WIZ: variants seen among roughly 807,000 people sequenced by gnomAD.
WIZ encodes protein Wiz.
In WIZ, 25 loss-of-function variants were observed where a neutral mutation model predicts 140.2. The observed-to-expected ratio is 0.18, with a 90% confidence interval of 0.13 to 0.25. The LOEUF (loss-of-function observed/expected upper bound fraction) is 0.25, where lower values mean the gene tolerates loss of function less well. WIZ is among the 10% of genes least tolerant of loss of function. The pLI, the probability that WIZ is intolerant of heterozygous loss-of-function variation, is 1.00. For missense variants in WIZ, 2,231 were observed against 2,632.6 expected (o/e 0.85, Z 3.34); for synonymous variants, 1,125 against 1,154.3 (o/e 0.97, Z 0.51).
intron 7 of WIZ, 110 bp downstream of exon 7, chr19:15,429,476 T>TCC: frequency 4.3e-5 from 46 of 1,071,022 alleles, no homozygotes; most frequent in Middle Eastern, 3.4e-4. Flanking sequence ...GGAGCTGTAG[T>TCC]CCCCACCGCC....
rs557452270 is a variant in WIZ at position 15,445,805 on chromosome 19, G to A, written c.205+2298C>T. ...CGTAACGGGGGACAGAGGAGGCAGC[G>A]GGCACACCCCTGCCCAGGCAGGGAA... On this transcript the variant is annotated intron_variant, in intron 2 of 12. Coordinates refer to ENST00000673675, the MANE Select transcript of WIZ (RefSeq NM_001371589.1). 4.5e-3 allele frequency among the ~76,000 whole-genome samples: 688 copies of A among 152,246 alleles called. 5 individuals are homozygous for A. The highest frequency in any genetic ancestry group is 0.012 in the Admixed American group (189 of 15,292).
chr19:15,425,695 C>T lies in WIZ; in HGVS notation c.4440G>A (p.Leu1480=), dbSNP rs1968713659. ...CGEFFENRKG[L]SSHARSHLRQ... is the part of the protein sequence containing the mutation. ...GCAGGTGTGAGCGCGCGTGACTCGA[C>T]AGGCCCTTGCGGTTCTCGAAGAACT... is the stretch of plus-strand genomic sequence containing the variant. The change falls in exon 10 of 13, where the codon CTG becomes CTA. Residue 1480 remains leucine (L), a synonymous_variant. Transcript: ENST00000673675. 4 of 1,613,098 alleles carry T rather than the reference C, an allele frequency of 2.5e-6. No homozygotes were observed. Among genetic ancestry groups the T allele is most frequent in the Non-Finnish European group, 2.5e-6 (3 of 1,179,872 alleles).
Position 15,448,290 on chromosome 19 carries a change from T to C in WIZ, c.18A>G (p.Ala6=). 3 of 1,612,804 alleles carry C rather than the reference T, an allele frequency of 1.9e-6. No homozygotes were observed. The highest frequency in any genetic ancestry group is 2.5e-6 in the Non-Finnish European group (3 of 1,179,794). The stretch of plus-strand genomic sequence containing the variant: ...GACGATCTGGTGCAGCCAGGCTGCC[T>C]GCCAGAGACCCCTCCATCGGATTTT... MEGSL[A]GSLAAPDRPQ... The change falls in exon 2 of 13, where the codon GCA becomes GCG. Residue 6 remains alanine (A), a synonymous_variant. Coordinates refer to ENST00000673675, the MANE Select transcript of WIZ (RefSeq NM_001371589.1).
In WIZ at chr19:15,439,056, G is replaced by C. The variant is rs1969624751; in HGVS notation, c.1938C>G (p.Thr646=). ...PENGVFSPLA[T]PSLIPQAALE... The stretch of plus-strand genomic sequence containing the variant: ...GGGCCGCCTGCGGGATGAGGCTGGG[G>C]GTGGCTAGGGGTGAAAAGACCCCAT... Residue 646 remains threonine, a synonymous_variant, in exon 4 of 13, where the codon ACC becomes ACG. Transcript: ENST00000673675. The surrounding 1 kb of genome is among the most constrained non-coding windows in gnomAD (Gnocchi z 7.0). 7.4e-6 allele frequency: 11 copies of C among 1,495,006 alleles called. No individual in the cohort carries two copies. The highest frequency in any genetic ancestry group is 9.8e-6 in the Non-Finnish European group (11 of 1,125,200). 92.6% of individuals were successfully genotyped at this position (1,495,006 alleles called of 1,614,324 possible). A position where few individuals can be genotyped will look rare whatever the true frequency, so the allele number is the denominator to read the frequency against.
Position 15,434,585 on chromosome 19 carries a change from C to CAA in WIZ, c.2740+2219_2740+2220dup, listed in dbSNP as rs5827287. On this transcript the variant is annotated intron_variant, in intron 5 of 12. Transcript: ENST00000673675. ...CTCAAGACAGAGCGAGACTCCATCT[C>CAA]AAAAAAAAAAAAAAAAAGAAGGAAT... 5.6e-3 allele frequency among the ~76,000 whole-genome samples: 691 copies of CAA among 123,900 alleles called. 9 individuals are homozygous for CAA. Among genetic ancestry groups the CAA allele is most frequent in the East Asian group, 0.012 (53 of 4,428 alleles). 81.3% of individuals were successfully genotyped at this position (123,900 alleles called of 152,430 possible). A position where few individuals can be genotyped will look rare whatever the true frequency, so the allele number is the denominator to read the frequency against.
intron 5 of WIZ, chr19:15,433,090 G>A (rs1969374561): frequency 8.3e-6 from 2 of 239,698 alleles, no homozygotes; most frequent in Non-Finnish European, 1.3e-5. Context: ...GGCGGAGCTA[G>A]GACCTGCCCT....
Position 15,431,155 on chromosome 19 carries a change from A to G in WIZ, c.2768T>C (p.Val923Ala), listed in dbSNP as rs923279032. ...CGAGGGAGAGCCCAAGTCCATGGCC[A>G]CCATTGCGTTTTCCTCAGAACCCAG... is the stretch of plus-strand genomic sequence containing the variant. Reference protein sequence around the residue: ...DGLGSEENAMVAMDLGSPSLP... With the variant: ...DGLGSEENAMAAMDLGSPSLP... The change falls in exon 6 of 13, where the codon GTG (valine) becomes GCG (alanine). Residue 923 changes from valine (V) to alanine (A), a missense_variant. Val to Ala is a moderately conservative substitution (Grantham distance 64). This residue lies in a region of WIZ where 137 missense variants were observed against 135.8 expected (regional missense o/e 1.01). Coordinates refer to ENST00000673675, the MANE Select transcript of WIZ (RefSeq NM_001371589.1). 1.0e-5 allele frequency: 16 copies of G among 1,531,962 alleles called. No homozygotes were observed. The highest frequency in any genetic ancestry group is 1.3e-5 in the Non-Finnish European group (15 of 1,144,532). 94.9% of individuals were successfully genotyped at this position (1,531,962 alleles called of 1,614,324 possible). A position where few individuals can be genotyped will look rare whatever the true frequency, so the allele number is the denominator to read the frequency against.
At chr19:15,436,727 C>A in intron 5 of WIZ, 79 bp downstream of exon 5, 1 of 1,380,322 alleles carries the variant, frequency 7.2e-7, no homozygotes, top group Non-Finnish European at 9.5e-7. Flanking sequence ...TGAGCGGCTG[C>A]CCCTCCAGCC....
chr19:15,449,111 T>C (rs1333185845), intron 1 of WIZ, among the ~76,000 whole-genome samples: 1 of 152,140 alleles, frequency 6.6e-6, no homozygotes, highest in Non-Finnish European at 1.5e-5. Context: ...ATAGGGCTCC[T>C]GGTCCAGAAA....
rs959613504 is a variant in WIZ, at chr19:15,421,075, C to G, written c.*2001G>C. On this transcript the variant is annotated 3_prime_UTR_variant, in exon 13 of 13. Transcript: ENST00000673675. ...AGACTGCAGCGAGCCGAGGTCCCTA[C>G]ACTGCACTCCAGCTTGGGCAACAAA... 2.0e-5 allele frequency: 3 copies of G among 152,204 alleles called. No individual in the cohort carries two copies. Among genetic ancestry groups the G allele is most frequent in the Admixed American group, 1.3e-4 (2 of 15,282 alleles). The allele number at this position is 152,204 out of a possible 1,614,324, so 9.4% of individuals were successfully genotyped here. A position where few individuals can be genotyped will look rare whatever the true frequency, so the allele number is the denominator to read the frequency against.
intron 5 of WIZ, chr19:15,432,683 A>C (rs1218520698): frequency 6.7e-6 from 1 of 149,800 alleles, no homozygotes; most frequent in Non-Finnish European, 1.5e-5. Flanking sequence ...GTCACTCGGC[A>C]CTGGGCGGTG....
At position 15,442,732 on chromosome 19, in the gene WIZ, G is replaced by T; in HGVS notation, c.222C>A (p.Pro74=). The T allele has an allele frequency of 8.1e-7, 1 of 1,232,310 alleles. No individual in the cohort carries two copies. Among genetic ancestry groups the T allele is most frequent in the Non-Finnish European group, 1.0e-6 (1 of 988,160 alleles). 76.3% of individuals were successfully genotyped at this position (1,232,310 alleles called of 1,614,324 possible). A position where few individuals can be genotyped will look rare whatever the true frequency, so the allele number is the denominator to read the frequency against. Residue 74 remains proline (P), a synonymous_variant, in exon 3 of 13, where the codon CCC becomes CCA. Transcript: ENST00000673675. This position sits in a 1 kb window ranked among gnomAD's most constrained non-coding sequence, Gnocchi z 5.5. ...CACGGGGGAGGGCTTCGCTGAGGCC[G>T]GGATGGGGCTGCCCGTCTGCAACAG... ...RGGISDGQPH[P]GLSEALPRVT...
rs903122248 is a variant in WIZ, at chr19:15,439,676, T to G, written c.1318A>C (p.Ser440Arg). ...TCAGGGCTGGGGCTGCCAGCCCCGCTGCTGCCTCCAAAAGGCTCTTTGGTG... is the reference window on the plus strand; with the variant it reads ...TCAGGGCTGGGGCTGCCAGCCCCGCGGCTGCCTCCAAAAGGCTCTTTGGTG... ...QTTKEPFGGS[S>R]GAGSPSPEAS... The change falls in exon 4 of 13, where the codon AGC (serine) becomes CGC (arginine). Residue 440 changes from serine to arginine, a missense_variant. Coordinates refer to ENST00000673675, the MANE Select transcript of WIZ (RefSeq NM_001371589.1). This position sits in a 1 kb window ranked among gnomAD's most constrained non-coding sequence, Gnocchi z 7.0. 1.3e-6 allele frequency: 2 copies of G among 1,502,112 alleles called. No individual in the cohort carries two copies. Among genetic ancestry groups the G allele is most frequent in the African/African-American group, 1.4e-5 (1 of 71,340 alleles). 93.0% of individuals were successfully genotyped at this position (1,502,112 alleles called of 1,614,324 possible).
intron 2 of WIZ, among the ~76,000 whole-genome samples, chr19:15,446,166 T>C (rs1969912580): frequency 6.6e-6 from 1 of 152,136 alleles, no homozygotes; most frequent in African/African-American, 2.4e-5. Context: ...CATTTCTCTC[T>C]TCCCCAAGCT....
At position 15,440,157 on chromosome 19, in the gene WIZ, C is replaced by T. The variant is rs1050930477; in HGVS notation, c.837G>A (p.Pro279=). The change falls in exon 4 of 13, where the codon CCG becomes CCA. Residue 279 remains proline, a synonymous_variant. Coordinates refer to ENST00000673675, the MANE Select transcript of WIZ (RefSeq NM_001371589.1). The surrounding 1 kb of genome is among the most constrained non-coding windows in gnomAD (Gnocchi z 6.2). ...GCCCGGTCCGGATCGGGGGCAGTAG[C>T]GGCTGCAGCCGCTCCACAGAAGCCT... The part of the protein sequence containing the change: ...NSEASVERLQ[P]LLPPIRTGPY... The T allele has an allele frequency of 2.6e-5, 40 of 1,531,660 alleles. No individual in the cohort carries two copies. The highest frequency in any genetic ancestry group is 1.7e-4 in the Middle Eastern group (1 of 5,980). 94.9% of individuals were successfully genotyped at this position (1,531,660 alleles called of 1,614,324 possible). A position where few individuals can be genotyped will look rare whatever the true frequency, so the allele number is the denominator to read the frequency against.
rs760550398 is a variant in WIZ, at chr19:15,422,948, G to C, written c.*128C>G. 139 of 1,384,046 alleles carry C rather than the reference G, an allele frequency of 1.0e-4. No homozygotes were observed. The highest frequency in any genetic ancestry group is 1.2e-4 in the Non-Finnish European group (126 of 1,042,998). The allele number at this position is 1,384,046 out of a possible 1,614,324, so 85.7% of individuals were successfully genotyped here. ...TGGCTGTAGTGTGCCCGGCCCCCAAGGGGCGCCGGTTTGAGGTTTTGGCTT... is the reference window on the plus strand; with the variant it reads ...TGGCTGTAGTGTGCCCGGCCCCCAACGGGCGCCGGTTTGAGGTTTTGGCTT... On this transcript the variant is annotated 3_prime_UTR_variant, in exon 13 of 13. Coordinates refer to ENST00000673675, the MANE Select transcript of WIZ (RefSeq NM_001371589.1).
rs771566569 is a variant in WIZ at position 15,429,722 on chromosome 19, C to T, written c.3279G>A (p.Lys1093=). The change falls in exon 7 of 13, where the codon AAG becomes AAA. Residue 1093 remains lysine, a synonymous_variant. Transcript: ENST00000673675. The part of the protein sequence containing the change: ...GHPPSSPLLK[K]TPLALAGSPT... Reference sequence around the variant, plus strand: ...GGGAGCCCGCCAGGGCCAGTGGTGTCTTTTTGAGGAGTGGAGAGCTGGGCG... The same window carrying T: ...GGGAGCCCGCCAGGGCCAGTGGTGTTTTTTTGAGGAGTGGAGAGCTGGGCG... 19 of 1,460,704 alleles carry T rather than the reference C, an allele frequency of 1.3e-5. No homozygotes were observed. Among genetic ancestry groups the T allele is most frequent in the Non-Finnish European group, 1.6e-5 (18 of 1,109,998 alleles). The allele number at this position is 1,460,704 out of a possible 1,614,324, so 90.5% of individuals were successfully genotyped here. A position where few individuals can be genotyped will look rare whatever the true frequency, so the allele number is the denominator to read the frequency against.
In WIZ at chr19:15,428,557, C is replaced by A. The variant is rs559183200; in HGVS notation, c.3416-49G>T. The A allele has an allele frequency of 6.5e-7, 1 of 1,534,596 alleles. No homozygotes were observed. Among genetic ancestry groups the A allele is most frequent in the South Asian group, 1.2e-5 (1 of 83,950 alleles). ...GGTTCACGGCCGCCACCTTGGCCGG[C>A]CTTGGGGGCCTGAGGTAGGAGGGTC... is the stretch of plus-strand genomic sequence containing the variant. On this transcript the variant is annotated intron_variant, in intron 7 of 12. Coordinates refer to ENST00000673675, the MANE Select transcript of WIZ (RefSeq NM_001371589.1). This position sits in a 1 kb window ranked among gnomAD's most constrained non-coding sequence, Gnocchi z 6.4.
At position 15,428,047 on chromosome 19, in the gene WIZ, C is replaced by A; in HGVS notation, c.3814+63G>T. On this transcript the variant is annotated intron_variant, in intron 8 of 12. Transcript: ENST00000673675. This position sits in a 1 kb window ranked among gnomAD's most constrained non-coding sequence, Gnocchi z 6.4. ...GCCCCAGCAGGGAGGGGGCTGTGAC[C>A]CCCCCCCCGGGAGGGGCTCCAGGGC... The A allele has an allele frequency of 1.9e-5, 28 of 1,500,982 alleles. No individual in the cohort carries two copies. The highest frequency in any genetic ancestry group is 2.3e-5 in the Non-Finnish European group (26 of 1,130,894). The allele number at this position is 1,500,982 out of a possible 1,614,324, so 93.0% of individuals were successfully genotyped here. A position where few individuals can be genotyped will look rare whatever the true frequency, so the allele number is the denominator to read the frequency against.
Sources: gnomAD v4.1 joint callset for allele counts (sites outside exome capture counted in the v4.1 genomes callset) on GRCh38, gnomAD v4.1.1 for gene constraint, gnomAD v4.1.1 regional missense constraint, Gnocchi (gnomAD v3.1) non-coding constraint, MANE v1.5 for transcripts, NCBI Gene and HGNC (gene_info 2026-07-23, HGNC 2026-07-21) for gene names.